LSAMP: variants seen among roughly 807,000 people sequenced by gnomAD.
LSAMP encodes the protein limbic system associated membrane protein.
In LSAMP, 7 loss-of-function variants were observed where a neutral mutation model predicts 38.6. That is an observed-to-expected ratio of 0.18 (90% CI 0.10 to 0.34). The LOEUF is 0.34. LSAMP is among the 10% of genes least tolerant of loss of function. LSAMP has a pLI of 1.00. For synonymous variants in LSAMP, 154 were observed against 166.8 expected (o/e 0.92, Z 0.59); for missense variants, 313 against 420.0 (o/e 0.75, Z 2.23).
intron 2 of LSAMP, among the ~76,000 whole-genome samples, chr3:116,082,538 T>A (rs977010680): frequency 6.6e-6 from 1 of 152,180 alleles, no homozygotes; most frequent in Non-Finnish European, 1.5e-5. Flanking sequence ...TATACAAGAA[T>A]CACATCTAGA....
intron 1 of LSAMP, among the ~76,000 whole-genome samples, chr3:116,231,358 T>C (rs1163536950): frequency 6.6e-6 from 1 of 152,234 alleles, no homozygotes; most frequent in African/African-American, 2.4e-5. Flanking sequence ...AGAGCCAGGT[T>C]CTTCATCTTC....
intron 1 of LSAMP, among the ~76,000 whole-genome samples, chr3:116,141,729 A>G (rs1315057256): frequency 1.3e-5 from 2 of 151,970 alleles, no homozygotes; most frequent in African/African-American, 4.8e-5. Flanking sequence ...ATTCCCCAGG[A>G]AACAGCCTCA....
At chr3:116,072,659 GC>G (rs1365287817) in intron 2 of LSAMP, among the ~76,000 whole-genome samples, 3 of 151,182 alleles carry the variant, frequency 2.0e-5, no homozygotes, top group Non-Finnish European at 2.9e-5. Context: ...GCAATATTGA[GC>G]TTTTTTTTCA....
intron 1 of LSAMP, among the ~76,000 whole-genome samples, chr3:116,343,161 A>G (rs2048019715): frequency 1.3e-5 from 2 of 152,140 alleles, no homozygotes; most frequent in African/African-American, 4.8e-5. Flanking sequence ...AGTGGAAAGA[A>G]AATGTGAAAT....
At chr3:116,188,709 T>G (rs1471605907) in intron 1 of LSAMP, among the ~76,000 whole-genome samples, 1 of 152,220 alleles carries the variant, frequency 6.6e-6, no homozygotes, top group East Asian at 1.9e-4. Flanking sequence ...ATTTGCTCAC[T>G]TAACATGTAT....
chr3:116,194,674 G>T (rs1185955679), intron 1 of LSAMP, among the ~76,000 whole-genome samples: 1 of 152,190 alleles, frequency 6.6e-6, no homozygotes, highest in African/African-American at 2.4e-5. Flanking sequence ...GGGATTACAG[G>T]CGTGAGCCTC....
intron 3 of LSAMP, among the ~76,000 whole-genome samples, chr3:115,972,601 A>G (rs1027801319): frequency 2.6e-5 from 4 of 151,592 alleles, no homozygotes; most frequent in African/African-American, 4.8e-5. Context: ...CTATGGCTTC[A>G]GAAAAGCCAA....
intron 1 of LSAMP, among the ~76,000 whole-genome samples, chr3:116,254,518 G>T (rs2046725522): frequency 6.6e-6 from 1 of 152,114 alleles, no homozygotes; most frequent in African/African-American, 2.4e-5. Flanking sequence ...GGCTGTTAGG[G>T]TGGTTTCCAC....
rs548166520 is a variant in LSAMP, at chr3:116,438,474, A to T, written c.155+6403T>A. On this transcript the variant is annotated intron_variant, in intron 1 of 6. Coordinates refer to ENST00000490035, the MANE Select transcript of LSAMP (RefSeq NM_002338.5). ...TTGTTGACCATTTTGAACTTATTAC[A>T]TCCTTTATGAAAAGTCTTTATCTAT... Among the ~76,000 whole-genome samples the T allele has an allele frequency of 4.5e-4, 68 of 152,326 alleles. 1 individual carries two copies. The highest frequency in any genetic ancestry group is 1.4e-3 in the Admixed American group (22 of 15,298).
At chr3:115,967,091 G>A (rs112130705) in intron 3 of LSAMP, among the ~76,000 whole-genome samples, 6 of 151,996 alleles carry the variant, frequency 3.9e-5, no homozygotes, top group Non-Finnish European at 8.8e-5. Flanking sequence ...CTTTTCTATC[G>A]CATTGTCAGG....
intron 3 of LSAMP, among the ~76,000 whole-genome samples, chr3:116,013,090 C>T (rs1054315061): frequency 6.6e-6 from 1 of 152,178 alleles, no homozygotes; most frequent in Non-Finnish European, 1.5e-5. Flanking sequence ...CAAACTAGTT[C>T]CCCAAGAACA....
At chr3:116,407,167 T>C (rs1340133628) in intron 1 of LSAMP, among the ~76,000 whole-genome samples, 1 of 152,068 alleles carries the variant, frequency 6.6e-6, no homozygotes, top group Non-Finnish European at 1.5e-5. Context: ...TCATAATCCA[T>C]TTATGTATCC....
intron 2 of LSAMP, among the ~76,000 whole-genome samples, chr3:116,042,877 T>C (rs1941205948): frequency 6.6e-6 from 1 of 152,218 alleles, no homozygotes; most frequent in African/African-American, 2.4e-5. Flanking sequence ...CAGAGTTGTA[T>C]AAACAACTGT....
intron 1 of LSAMP, among the ~76,000 whole-genome samples, chr3:116,347,095 C>T (rs2107760621): frequency 6.6e-6 from 1 of 152,262 alleles, no homozygotes; most frequent in East Asian, 1.9e-4. Context: ...GTTGCTGGAA[C>T]AATATACAGC....
chr3:115,919,801 G>A (rs1937340846), intron 3 of LSAMP, among the ~76,000 whole-genome samples: 1 of 152,048 alleles, frequency 6.6e-6, no homozygotes, highest in Non-Finnish European at 1.5e-5. Flanking sequence ...TAGTAGAGAC[G>A]GGGTTTCACC....
chr3:115,802,591 A>T lies in LSAMP; in HGVS notation c.*7726T>A, dbSNP rs1933540101. 6.6e-6 allele frequency: 1 copy of T among 151,858 alleles called. No homozygotes were observed. Among genetic ancestry groups the T allele is most frequent in the African/African-American group, 2.4e-5 (1 of 41,366 alleles). The allele number at this position is 151,858 out of a possible 1,614,324, so 9.4% of individuals were successfully genotyped here. On this transcript the variant is annotated 3_prime_UTR_variant, in exon 7 of 7. Transcript: ENST00000490035. ...CACAGAGCTAGTACCCAGGGAAAAAAATCCACCTAATAAACAAAAATGAAA... is the reference window on the plus strand; with the variant it reads ...CACAGAGCTAGTACCCAGGGAAAAATATCCACCTAATAAACAAAAATGAAA...
chr3:116,095,129 CTCAGA>C (rs1708198537), intron 1 of LSAMP, among the ~76,000 whole-genome samples: 1 of 152,200 alleles, frequency 6.6e-6, no homozygotes. Context: ...TACCCAGACT[CTCAGA>C]TCAATCATGT....
rs147340437 is a variant in LSAMP, at chr3:115,822,854, A to G, written c.920-12440T>C. Among the ~76,000 whole-genome samples the G allele has an allele frequency of 9.8e-4, 150 of 152,324 alleles. 1 individual carries two copies. Among genetic ancestry groups the G allele is most frequent in the African/African-American group, 3.5e-3 (144 of 41,572 alleles). ...ATACCGCTAAAGGCTTTTCTTCTTTATAGTTGTCTGTGACTAGAAATGGAC... is the reference window on the plus strand; with the variant it reads ...ATACCGCTAAAGGCTTTTCTTCTTTGTAGTTGTCTGTGACTAGAAATGGAC... On this transcript the variant is annotated intron_variant, in intron 6 of 6. Transcript: ENST00000490035.
At chr3:116,157,897 A>C (rs539485813) in intron 1 of LSAMP, among the ~76,000 whole-genome samples, 8 of 152,266 alleles carry the variant, frequency 5.3e-5, no homozygotes, top group African/African-American at 1.9e-4. Flanking sequence ...GCAGAGACAC[A>C]ATAAAAAAAG....
Sources: gnomAD v4.1 joint callset for allele counts (sites outside exome capture counted in the v4.1 genomes callset) on GRCh38, gnomAD v4.1.1 for gene constraint, MANE v1.5 for transcripts, NCBI Gene and HGNC (gene_info 2026-07-23, HGNC 2026-07-21) for gene names.